NTN1: variants seen among roughly 807,000 people sequenced by gnomAD.
NTN1 encodes netrin 1, also known as netrin-1.
In NTN1, 11 loss-of-function variants were observed where a neutral mutation model predicts 54.2. The observed-to-expected ratio is 0.20, with a 90% CI of 0.13 to 0.34. NTN1 has a LOEUF of 0.34. NTN1 is among the 10% of genes least tolerant of loss of function. The pLI, the probability that NTN1 is intolerant of heterozygous loss-of-function variation, is 1.00. For synonymous variants in NTN1, 371 were observed against 382.0 expected, an observed-to-expected ratio of 0.97 and a Z score of 0.33; for missense variants, 740 against 893.1, an observed-to-expected ratio of 0.83 and a Z score of 2.18.
chr17:9,149,974 G>C (rs1246767435), intron 2 of NTN1, among the ~76,000 whole-genome samples: 1 of 152,168 alleles, frequency 6.6e-6, no homozygotes, highest in Non-Finnish European at 1.5e-5. Context: ...GGTCGAGGAG[G>C]GTGCATCATT....
At chr17:9,005,956 C>T in the NTN1 span, among the ~76,000 whole-genome samples, 2 of 152,230 alleles carry the variant, frequency 1.3e-5, no homozygotes, top group Non-Finnish European at 2.9e-5. Context: ...CAGAGGCCCC[C>T]CTTGGCAAGG....
intron 5 of NTN1, among the ~76,000 whole-genome samples, chr17:9,190,512 T>G (rs1904422850): frequency 6.6e-6 from 1 of 152,140 alleles, no homozygotes; most frequent in Non-Finnish European, 1.5e-5. Context: ...TTTAAATGAG[T>G]GTGGTACTGG....
At chr17:9,215,264 C>CACAA (rs372365223) in intron 5 of NTN1, among the ~76,000 whole-genome samples, 14,322 of 146,042 alleles carry the variant, frequency 0.098, 776 homozygotes, top group African/African-American at 0.13. Flanking sequence ...CACACACACA[C>CACAA]ACACACACAC....
rs1055121292 is a variant in NTN1, at chr17:9,219,463, C to T, written c.1412-1705C>T. 2.6e-5 allele frequency among the ~76,000 whole-genome samples: 4 copies of T among 152,322 alleles called. No homozygotes were observed. The highest frequency in any genetic ancestry group is 2.0e-4 in the Admixed American group (3 of 15,306). On this transcript the variant is annotated intron_variant, in intron 5 of 6. Coordinates refer to ENST00000173229, the MANE Select transcript of NTN1 (RefSeq NM_004822.3). This position sits in a 1 kb window ranked among gnomAD's most constrained non-coding sequence, Gnocchi z 4.5. ...GCTGTTTTTCTCCCATTTCCTGAGACTGGTTCCTAACTGGGGGCCCCAAGA... is the reference window on the plus strand; with the variant it reads ...GCTGTTTTTCTCCCATTTCCTGAGATTGGTTCCTAACTGGGGGCCCCAAGA...
chr17:9,218,467 T>C (rs1905260071), intron 5 of NTN1, among the ~76,000 whole-genome samples: 1 of 152,222 alleles, frequency 6.6e-6, no homozygotes, highest in Non-Finnish European at 1.5e-5. Context: ...AAGCAGGGCC[T>C]GTGAGTGCAA....
intron 3 of NTN1, 62 bp from the exon 4 acceptor site, chr17:9,179,745 T>C: frequency 6.4e-7 from 1 of 1,566,478 alleles, no homozygotes; most frequent in Non-Finnish European, 8.7e-7. Flanking sequence ...TAGGGAAGGC[T>C]CTGCGGGGAT....
At chr17:9,200,184 T>C (rs1904742933) in intron 5 of NTN1, among the ~76,000 whole-genome samples, 1 of 152,232 alleles carries the variant, frequency 6.6e-6, no homozygotes, top group Non-Finnish European at 1.5e-5. Flanking sequence ...GCAGTTCTAG[T>C]CTGTGTCCAC....
chr17:9,127,324 GC>G (rs1233690937), intron 2 of NTN1, among the ~76,000 whole-genome samples: 3 of 152,148 alleles, frequency 2.0e-5, no homozygotes. Context: ...CGTGTGGAAG[GC>G]AGTGTCACCA....
At chr17:9,182,547 C>T (rs926341658) in intron 4 of NTN1, among the ~76,000 whole-genome samples, 2 of 152,212 alleles carry the variant, frequency 1.3e-5, no homozygotes, top group African/African-American at 4.8e-5. Context: ...TGAGCAGGGC[C>T]CAGGTAGCCA....
chr17:9,194,538 G>T (rs79962020), intron 5 of NTN1, among the ~76,000 whole-genome samples: 2,380 of 152,280 alleles, frequency 0.016, 64 homozygotes, highest in African/African-American at 0.052. Context: ...TGTCGACCTG[G>T]GGGCTGGAGA....
At position 9,151,866 on chromosome 17, in the gene NTN1, A is replaced by G. The variant is rs149736655; in HGVS notation, c.1019-10947A>G. On this transcript the variant is annotated intron_variant, in intron 2 of 6. Transcript: ENST00000173229. ...AGCTAGCAAGAGGATTGTAAAATGC[A>G]CCAATCAGCGCTCTGTAAAACACAC... is the stretch of plus-strand genomic sequence containing the variant. 5.9e-3 allele frequency among the ~76,000 whole-genome samples: 903 copies of G among 152,316 alleles called. 5 individuals are homozygous for G. Among genetic ancestry groups the G allele is most frequent in the Non-Finnish European group, 8.5e-3 (581 of 68,034 alleles).
At position 9,236,130 on chromosome 17, in the gene NTN1, G is replaced by T. The variant is rs199974640; in HGVS notation, c.1487-3510G>T. Among the ~76,000 whole-genome samples the T allele has an allele frequency of 1.1e-4, 4 of 37,686 alleles. 1 individual carries two copies. In the East Asian group the frequency reaches 1.4e-3, roughly 13 times the overall value. The allele number at this position is 37,686 out of a possible 152,430, so 24.7% of individuals were successfully genotyped here. ...AAGTTCCAACATAAGAATTTGGGGG[G>T]GGGGGTACTAACATTAAAACCTTGA... On this transcript the variant is annotated intron_variant, in intron 6 of 6. Transcript: ENST00000173229.
intron 6 of NTN1, among the ~76,000 whole-genome samples, chr17:9,235,038 C>T (rs1905939446): frequency 6.7e-6 from 1 of 148,318 alleles, no homozygotes; most frequent in Admixed American, 6.8e-5. Flanking sequence ...TCTCGGCTCA[C>T]TGCAAACTCC....
At position 9,243,526 on chromosome 17, in the gene NTN1, T is replaced by C. The variant is rs144298589; in HGVS notation, c.*3558T>C. The stretch of plus-strand genomic sequence containing the variant: ...GCCCAGAGTGGACAGACTAGACCCA[T>C]TGATGGGGCCACTGGCCATGGTCCG... On this transcript the variant is annotated 3_prime_UTR_variant, in exon 7 of 7. Transcript: ENST00000173229. 1.2e-4 allele frequency: 19 copies of C among 152,310 alleles called. No individual in the cohort carries two copies. The highest frequency in any genetic ancestry group is 2.4e-4 in the Non-Finnish European group (16 of 68,048). The allele number at this position is 152,310 out of a possible 1,614,324, so 9.4% of individuals were successfully genotyped here.
chr17:9,053,086 C>T (rs1408792527), intron 2 of NTN1, among the ~76,000 whole-genome samples: 2 of 152,242 alleles, frequency 1.3e-5, no homozygotes, highest in African/African-American at 4.8e-5. Flanking sequence ...GGGCCAAATT[C>T]TGTCTGTTGC....
At chr17:9,106,467 C>T (rs71369623) in intron 2 of NTN1, among the ~76,000 whole-genome samples, 1,367 of 119,996 alleles carry the variant, frequency 0.011, 71 homozygotes, top group Non-Finnish European at 0.018. Flanking sequence ...CTTCCTTCCT[C>T]CCTTCCTTCC....
intron 3 of NTN1, among the ~76,000 whole-genome samples, 182 bp from the exon 4 acceptor site, chr17:9,179,625 G>A (rs1188191984): frequency 6.6e-6 from 1 of 152,208 alleles, no homozygotes; most frequent in Non-Finnish European, 1.5e-5. Context: ...TCCGTTTCCA[G>A]GTAGGTGGGT....
chr17:9,128,147 T>TAAATA (rs201088079), intron 2 of NTN1, among the ~76,000 whole-genome samples: 2 of 147,124 alleles, frequency 1.4e-5, no homozygotes, highest in Non-Finnish European at 3.0e-5. Context: ...AATAAATAAA[T>TAAATA]AATAATAATA....
chr17:9,182,263 T>G (rs966192935), intron 4 of NTN1, among the ~76,000 whole-genome samples: 1 of 152,180 alleles, frequency 6.6e-6, no homozygotes, highest in Admixed American at 6.5e-5. Flanking sequence ...GGATGACAGA[T>G]GTGAGCCCCT....
Sources: allele counts gnomAD v4.1 joint callset (sites outside exome capture counted in the v4.1 genomes callset), GRCh38; gene constraint gnomAD v4.1.1; non-coding constraint Gnocchi (gnomAD v3.1); transcripts MANE v1.5; gene names NCBI Gene and HGNC (gene_info 2026-07-23, HGNC 2026-07-21).